Variants in AFG2A observed in about 807,000 individuals in gnomAD.
The protein encoded by AFG2A is ATPase family gene 2 protein homolog A.
At chr4:123,125,266 T>C in the AFG2A span, among the ~76,000 whole-genome samples, 1 of 152,210 alleles carries the variant, frequency 6.6e-6, no homozygotes, top group Non-Finnish European at 1.5e-5. Context: ...TGTTCTCAAA[T>C]ATTAATTTAT....
chr4:123,187,027 C>G, the AFG2A span, among the ~76,000 whole-genome samples: 1 of 152,020 alleles, frequency 6.6e-6, no homozygotes, highest in Non-Finnish European at 1.5e-5. Context: ...AGAGGATGAG[C>G]CTAGATACAA....
At chr4:123,288,088 A>C in the AFG2A span, among the ~76,000 whole-genome samples, 1 of 152,144 alleles carries the variant, frequency 6.6e-6, no homozygotes, top group African/African-American at 2.4e-5. Flanking sequence ...TGATAGATTA[A>C]ATAGATTGAG....
the AFG2A span, among the ~76,000 whole-genome samples, chr4:123,150,884 G>A: frequency 6.6e-6 from 1 of 152,196 alleles, no homozygotes; most frequent in Non-Finnish European, 1.5e-5. Context: ...CAAGGCTACA[G>A]TAACCAAAGC....
At chr4:122,996,288 T>C in the AFG2A span, among the ~76,000 whole-genome samples, 2 of 152,174 alleles carry the variant, frequency 1.3e-5, no homozygotes, top group Non-Finnish European at 2.9e-5. Flanking sequence ...AATACACATA[T>C]ATGCTTTGTG....
the AFG2A span, among the ~76,000 whole-genome samples, chr4:123,312,041 CCTGGCCACCATGGTACACATGCTCAT>C: frequency 6.6e-6 from 1 of 152,196 alleles, no homozygotes; most frequent in Non-Finnish European, 1.5e-5. Flanking sequence ...CAACCCCCGC[CCTGGCCACCATGGTACACATGCTCAT>C]CTGGCCACTC....
the AFG2A span, among the ~76,000 whole-genome samples, chr4:123,002,316 T>C: frequency 0.04 from 6,067 of 151,950 alleles, 380 homozygotes; most frequent in African/African-American, 0.14. Flanking sequence ...TTAAAGTTAA[T>C]ATCGTTATGT....
chr4:123,088,276 G>A, the AFG2A span, among the ~76,000 whole-genome samples: 1 of 151,946 alleles, frequency 6.6e-6, no homozygotes, highest in African/African-American at 2.4e-5. Flanking sequence ...TCTTTCTTAT[G>A]ACAGCCCACC....
the AFG2A span, among the ~76,000 whole-genome samples, chr4:123,262,976 G>A: frequency 1.3e-5 from 2 of 152,260 alleles, no homozygotes; most frequent in African/African-American, 4.8e-5. Flanking sequence ...ACATGGTGTG[G>A]TCTAAAATCA....
At chr4:123,253,520 C>T in the AFG2A span, among the ~76,000 whole-genome samples, 1 of 150,774 alleles carries the variant, frequency 6.6e-6, no homozygotes, top group African/African-American at 2.4e-5. Flanking sequence ...CATGGTGGTG[C>T]ATACCTGTGG....
chr4:122,932,248 C>T, the AFG2A span, among the ~76,000 whole-genome samples: 2 of 151,086 alleles, frequency 1.3e-5, no homozygotes, highest in East Asian at 3.9e-4. Flanking sequence ...GCACTCCAGC[C>T]TGGGTGACAG....
the AFG2A span, among the ~76,000 whole-genome samples, chr4:123,233,922 T>G: frequency 0.56 from 84,868 of 151,874 alleles, 26,208 homozygotes; most frequent in Non-Finnish European, 0.67. Context: ...CTTATAGGTC[T>G]GCATTAGGTG....
the AFG2A span, among the ~76,000 whole-genome samples, chr4:122,953,066 A>G: frequency 5.3e-5 from 8 of 151,906 alleles, no homozygotes; most frequent in African/African-American, 4.8e-5. Flanking sequence ...CTCCTTAACA[A>G]TCCCTGTGGT....
chr4:123,240,293 A>G, the AFG2A span, among the ~76,000 whole-genome samples: 12 of 152,220 alleles, frequency 7.9e-5, no homozygotes, highest in African/African-American at 2.9e-4. Flanking sequence ...ATAGATATCT[A>G]CAGAACTCTC....
chr4:123,036,281 T>C, the AFG2A span, among the ~76,000 whole-genome samples: 5 of 151,880 alleles, frequency 3.3e-5, no homozygotes, highest in South Asian at 1.0e-3. Context: ...ATGTGAGAAA[T>C]GAGAAAGAAA....
the AFG2A span, among the ~76,000 whole-genome samples, chr4:123,253,659 A>C: frequency 6.6e-6 from 1 of 152,080 alleles, no homozygotes; most frequent in Non-Finnish European, 1.5e-5. Context: ...CAAAAAAATA[A>C]AATTTGTGAA....
At chr4:123,152,756 C>T in the AFG2A span, among the ~76,000 whole-genome samples, 7 of 152,268 alleles carry the variant, frequency 4.6e-5, no homozygotes, top group Admixed American at 3.9e-4. Context: ...CTCCTTGGTA[C>T]TTACCAAAAG....
At chr4:122,962,516 C>A in the AFG2A span, among the ~76,000 whole-genome samples, 1 of 152,120 alleles carries the variant, frequency 6.6e-6, no homozygotes, top group Non-Finnish European at 1.5e-5. Flanking sequence ...TTTGAGATGA[C>A]TGGAACTGAA....
At chr4:123,212,309 G>A in the AFG2A span, among the ~76,000 whole-genome samples, 50 of 151,934 alleles carry the variant, frequency 3.3e-4, no homozygotes, top group African/African-American at 4.6e-4. Flanking sequence ...CCTATTGAAC[G>A]TGAAACCTTC....
At chr4:123,234,656 T>C in the AFG2A span, among the ~76,000 whole-genome samples, 5 of 152,126 alleles carry the variant, frequency 3.3e-5, no homozygotes, top group African/African-American at 1.2e-4. Flanking sequence ...GAAGAAAAAG[T>C]ATTTTCATTT....
Sources: gnomAD v4.1 joint callset for allele counts (sites outside exome capture counted in the v4.1 genomes callset) on GRCh38, gnomAD v4.1.1 for gene constraint, MANE v1.5 for transcripts, NCBI Gene and HGNC (gene_info 2026-07-23, HGNC 2026-07-21) for gene names.